Variants in FRAS1 observed in about 807,000 individuals in gnomAD.
The protein encoded by FRAS1 is Fraser extracellular matrix complex subunit 1, also known as extracellular matrix organizing protein FRAS1.
In FRAS1, 290 loss-of-function variants were observed where a neutral mutation model predicts 435.2. The ratio of observed to expected loss-of-function variants is 0.67; its 90% confidence interval spans 0.61 to 0.73. FRAS1 has a LOEUF of 0.73. FRAS1 is among the 30% of genes least tolerant of loss of function. The probability of loss-of-function intolerance (pLI) is 0.00; values close to 1 mark genes in which losing one functional copy is unlikely to be tolerated. For synonymous variants in FRAS1, 1,800 were observed against 1,851.0 expected (o/e 0.97, Z 0.71); for missense variants, 4,860 against 5,001.5 (o/e 0.97, Z 0.85).
rs369422452 is a variant in FRAS1 at position 78,059,798 on chromosome 4, A to G, written c.76+1713A>G. 2.1e-4 allele frequency among the ~76,000 whole-genome samples: 30 copies of G among 145,464 alleles called. No individual in the cohort carries two copies. The East Asian group carries it at 5.0e-3, about 24-fold the overall frequency. ...GGTGCGCTCTTTGGCAGATTGCTTG[A>G]TCCAGTGGGCCAAGTTTAAGAAGTG... On this transcript the variant is annotated intron_variant, in intron 1 of 73. Transcript: ENST00000512123.
Position 78,400,872 on chromosome 4 carries a change from G to A in FRAS1, c.4114G>A (p.Asp1372Asn), listed in dbSNP as rs1215789134. 2 of 1,613,594 alleles carry A rather than the reference G, an allele frequency of 1.2e-6. No homozygotes were observed. Among genetic ancestry groups the A allele is most frequent in the Non-Finnish European group, 1.7e-6 (2 of 1,179,742 alleles). Residue 1372 changes from aspartate (D) to asparagine (N), a missense_variant, in exon 30 of 74, where the codon GAC (aspartate) becomes AAC (asparagine). Transcript: ENST00000512123. ...AEEIIYKITQ[D>N]YPQFGEVVLL... ...AGAAATCATCTACAAGATTACACAAGACTACCCCCAGTTTGGTAACTATTT... is the reference window on the plus strand; with the variant it reads ...AGAAATCATCTACAAGATTACACAAAACTACCCCCAGTTTGGTAACTATTT...
chr4:78,290,429 C>T (rs1251473028), intron 14 of FRAS1, among the ~76,000 whole-genome samples: 1 of 151,574 alleles, frequency 6.6e-6, no homozygotes, highest in African/African-American at 2.4e-5. Context: ...ACCTGGACCA[C>T]CTGGTTTCTT....
chr4:78,538,287 G>A lies in FRAS1; in HGVS notation c.11299-1007G>A, dbSNP rs1024262635. On this transcript the variant is annotated intron_variant, in intron 72 of 73. Coordinates refer to ENST00000512123, the MANE Select transcript of FRAS1 (RefSeq NM_025074.7). ...TTTAATTTTTAACCGAGTAAATGTC[G>A]ATAGATATAAGTCACATAAACAAAA... Among the ~76,000 whole-genome samples, 15 of 152,102 alleles carry A rather than the reference G, an allele frequency of 9.9e-5. 1 individual carries two copies. The South Asian group carries it at 1.0e-3, about 11-fold the overall frequency.
intron 2 of FRAS1, among the ~76,000 whole-genome samples, chr4:78,158,709 T>C (rs1023478208): frequency 2.0e-5 from 3 of 152,202 alleles, no homozygotes; most frequent in African/African-American, 7.2e-5. Flanking sequence ...TCCAAGCAAA[T>C]GGCACTTGGG....
At chr4:78,229,088 T>A (rs1223587361) in intron 2 of FRAS1, among the ~76,000 whole-genome samples, 1 of 152,104 alleles carries the variant, frequency 6.6e-6, no homozygotes, top group Non-Finnish European at 1.5e-5. Context: ...GTGGGTTTGG[T>A]GGGAAAAACA....
At chr4:78,386,377 C>G (rs1162398342) in intron 28 of FRAS1, among the ~76,000 whole-genome samples, 1 of 152,074 alleles carries the variant, frequency 6.6e-6, no homozygotes, top group Non-Finnish European at 1.5e-5. Flanking sequence ...TAGGAGGGGT[C>G]ACTCTTTCCC....
At chr4:78,191,762 A>G (rs1417623464) in intron 2 of FRAS1, among the ~76,000 whole-genome samples, 2 of 151,932 alleles carry the variant, frequency 1.3e-5, no homozygotes, top group African/African-American at 2.4e-5. Context: ...TCATTGTTCA[A>G]TTCCCACCTA....
In FRAS1 at chr4:78,466,137, T is replaced by C. The variant is rs755608392; in HGVS notation, c.7030-71T>C. On this transcript the variant is annotated intron_variant, in intron 49 of 73. Coordinates refer to ENST00000512123, the MANE Select transcript of FRAS1 (RefSeq NM_025074.7). Reference sequence around the variant, plus strand: ...GGGTTCTACTACCCTTGATCAGCAATTGGGCATCACTCACTCTTTTGGTTT... The same window carrying C: ...GGGTTCTACTACCCTTGATCAGCAACTGGGCATCACTCACTCTTTTGGTTT... 1.3e-4 allele frequency: 158 copies of C among 1,248,400 alleles called. 1 individual carries two copies. Among genetic ancestry groups the C allele is most frequent in the Non-Finnish European group, 1.7e-4 (149 of 859,116 alleles). The allele number at this position is 1,248,400 out of a possible 1,614,324, so 77.3% of individuals were successfully genotyped here.
At chr4:78,280,045 A>G (rs1727254630) in intron 10 of FRAS1, among the ~76,000 whole-genome samples, 1 of 152,220 alleles carries the variant, frequency 6.6e-6, no homozygotes, top group Non-Finnish European at 1.5e-5. Context: ...ACTAGCACAC[A>G]TTTGTTTTTA....
chr4:78,469,681 A>G (rs540518867), intron 50 of FRAS1, among the ~76,000 whole-genome samples: 2 of 152,230 alleles, frequency 1.3e-5, no homozygotes, highest in South Asian at 2.1e-4. Context: ...TAAAGAAGAC[A>G]TAGGTGTGTA....
chr4:78,459,472 C>G (rs1423736975), intron 47 of FRAS1, among the ~76,000 whole-genome samples: 1 of 152,222 alleles, frequency 6.6e-6, no homozygotes, highest in African/African-American at 2.4e-5. Flanking sequence ...CAGATTCCAC[C>G]TAAGAGAGTG....
At chr4:78,298,151 C>CAT (rs1031027247) in intron 14 of FRAS1, among the ~76,000 whole-genome samples, 113 of 145,794 alleles carry the variant, frequency 7.8e-4, no homozygotes, top group African/African-American at 2.5e-3. Context: ...TTATAAGGTG[C>CAT]ATATATATAT....
intron 72 of FRAS1, among the ~76,000 whole-genome samples, chr4:78,538,075 A>C (rs1656205891): frequency 6.6e-6 from 1 of 152,238 alleles, no homozygotes. Flanking sequence ...ATTCAGAAGC[A>C]GTTATGAGAA....
chr4:78,307,620 A>G (rs1040421724), intron 14 of FRAS1, among the ~76,000 whole-genome samples: 1 of 152,234 alleles, frequency 6.6e-6, no homozygotes, highest in Admixed American at 6.5e-5. Flanking sequence ...CCGATTTTCC[A>G]GGTGCCGTCT....
In FRAS1 at chr4:78,479,441, C is replaced by G; in HGVS notation, c.8166C>G (p.Leu2722=). 6.3e-7 allele frequency: 1 copy of G among 1,595,210 alleles called. No homozygotes were observed. The highest frequency in any genetic ancestry group is 1.1e-5 in the South Asian group (1 of 87,686). ...CTAAGTCAGCTATGGGAAGTAGCCT[C>G]TATGCTCTAGAATCAGGCTCTGATT... is the stretch of plus-strand genomic sequence containing the variant. ...TVPKSAMGSS[L]YALESGSDFK... is the part of the protein sequence containing the mutation. The change falls in exon 56 of 74, where the codon CTC becomes CTG. Residue 2722 remains leucine, a synonymous_variant. Transcript: ENST00000512123.
At position 78,456,146 on chromosome 4, in the gene FRAS1, T is replaced by TTTCTTTTC. The variant is rs77127614; in HGVS notation, c.6763+3794_6763+3795insCTTTTCTT. On this transcript the variant is annotated intron_variant, in intron 47 of 73. Coordinates refer to ENST00000512123, the MANE Select transcript of FRAS1 (RefSeq NM_025074.7). ...TTGAAGAACACATGTCACTTTTTTT[T>TTTCTTTTC]TTTTTTTTTTTTTTTGAGACGGAGT... Among the ~76,000 whole-genome samples the TTTCTTTTC allele has an allele frequency of 2.1e-4, 28 of 134,530 alleles. 1 individual carries two copies. Among genetic ancestry groups the TTTCTTTTC allele is most frequent in the East Asian group, 8.2e-4 (4 of 4,874 alleles). The allele number at this position is 134,530 out of a possible 152,430, so 88.3% of individuals were successfully genotyped here. A position where few individuals can be genotyped will look rare whatever the true frequency, so the allele number is the denominator to read the frequency against.
intron 2 of FRAS1, among the ~76,000 whole-genome samples, chr4:78,087,891 C>T (rs1006557096): frequency 3.2e-4 from 49 of 152,304 alleles, no homozygotes; most frequent in Non-Finnish European, 5.6e-4. Flanking sequence ...CATCAAACTA[C>T]CAATGACTTT....
chr4:78,304,999 A>G (rs1326764712), intron 14 of FRAS1, among the ~76,000 whole-genome samples: 1 of 152,172 alleles, frequency 6.6e-6, no homozygotes, highest in Non-Finnish European at 1.5e-5. Flanking sequence ...GTGGGCATTT[A>G]GTGCTGTAAA....
chr4:78,264,306 G>A (rs960898866), intron 6 of FRAS1, among the ~76,000 whole-genome samples: 1 of 152,156 alleles, frequency 6.6e-6, no homozygotes, highest in Non-Finnish European at 1.5e-5. Flanking sequence ...AGAATGTAGG[G>A]ACATAGAGTA....
Sources: gnomAD v4.1 joint callset for allele counts (sites outside exome capture counted in the v4.1 genomes callset) on GRCh38, gnomAD v4.1.1 for gene constraint, MANE v1.5 for transcripts, NCBI Gene and HGNC (gene_info 2026-07-23, HGNC 2026-07-21) for gene names.